The following ITIH5 variants were observed in gnomAD, a reference collection of about 807,000 sequenced individuals.
ITIH5 encodes the protein inter-alpha-trypsin inhibitor heavy chain H5.
A neutral mutation model predicts 77.5 loss-of-function variants in ITIH5; 65 were observed. The ratio of observed to expected loss-of-function variants is 0.84; its 90% CI spans 0.69 to 1.03. The LOEUF is 1.03. Ranked by LOEUF, ITIH5 falls within the 50% of genes least tolerant of loss-of-function variation. The pLI is 0.00. For synonymous variants in ITIH5, 525 were observed against 494.3 expected (o/e 1.06, Z -0.82); for missense variants, 1,208 against 1,213.1 (o/e 1.00, Z 0.06).
chr10:7,626,972 T>C (rs1048952842), intron 5 of ITIH5, among the ~76,000 whole-genome samples: 12 of 152,218 alleles, frequency 7.9e-5, no homozygotes, highest in African/African-American at 2.9e-4. Flanking sequence ...AGCACTGTCA[T>C]AACCAACAAT....
intron 7 of ITIH5, among the ~76,000 whole-genome samples, chr10:7,605,124 T>G (rs1833096816): frequency 6.6e-6 from 1 of 151,896 alleles, no homozygotes; most frequent in Non-Finnish European, 1.5e-5. Flanking sequence ...GCTTTGTCTA[T>G]TCTGTTTCTT....
At chr10:7,641,861 C>T (rs1283225558) in intron 3 of ITIH5, 66 bp downstream of exon 3, 11 of 1,390,448 alleles carry the variant, frequency 7.9e-6, no homozygotes, top group Admixed American at 1.7e-5. Flanking sequence ...CTGTGGACCT[C>T]ACATCTCAGG....
At chr10:7,619,814 C>G (rs1212558078) in intron 5 of ITIH5, 1 of 159,108 alleles carries the variant, frequency 6.3e-6, no homozygotes, top group East Asian at 1.8e-4. Context: ...ATGGGGATTA[C>G]AATTCGAAAT....
rs2275067 is a variant in ITIH5, at chr10:7,572,395, C to T, written c.2032+747G>A. Reference sequence around the variant, plus strand: ...AATCTGTTCTTCCCTTCTGAAGCCACGAACTGAAAAAAATGAAAACAAAAA... The same window carrying T: ...AATCTGTTCTTCCCTTCTGAAGCCATGAACTGAAAAAAATGAAAACAAAAA... On this transcript the variant is annotated intron_variant, in intron 11 of 13. Transcript: ENST00000397146. 41 of 1,364,728 alleles carry T rather than the reference C, an allele frequency of 3.0e-5. No homozygotes were observed. The East Asian group carries it at 6.8e-4, about 23-fold the overall frequency. The allele number at this position is 1,364,728 out of a possible 1,614,324, so 84.5% of individuals were successfully genotyped here.
At chr10:7,610,984 T>C (rs1233201756) in intron 7 of ITIH5, among the ~76,000 whole-genome samples, 2 of 152,272 alleles carry the variant, frequency 1.3e-5, no homozygotes, top group African/African-American at 4.8e-5. Context: ...TCTTGCATCA[T>C]GCGAGGAAAT....
intron 13 of ITIH5, 62 bp downstream of exon 13, chr10:7,565,968 C>G: frequency 6.5e-7 from 1 of 1,549,482 alleles, no homozygotes; most frequent in Non-Finnish European, 8.7e-7. Flanking sequence ...GCAATATCAG[C>G]TTTGCTTGGG....
intron 13 of ITIH5, among the ~76,000 whole-genome samples, chr10:7,563,727 C>T (rs902289317): frequency 1.3e-5 from 2 of 152,230 alleles, no homozygotes; most frequent in African/African-American, 4.8e-5. Context: ...TCTCTCTGTC[C>T]TCTTCCCAGT....
intron 1 of ITIH5, among the ~76,000 whole-genome samples, chr10:7,661,579 T>A (rs1447284084): frequency 6.6e-6 from 1 of 152,244 alleles, no homozygotes; most frequent in Non-Finnish European, 1.5e-5. Context: ...TCCTTGAAAG[T>A]AATGTTGCTG....
chr10:7,590,722 G>A (rs1199195827), intron 7 of ITIH5, among the ~76,000 whole-genome samples: 1 of 152,180 alleles, frequency 6.6e-6, no homozygotes, highest in Non-Finnish European at 1.5e-5. Flanking sequence ...CCACGTCTTT[G>A]TGCCCAAGAC....
intron 2 of ITIH5, among the ~76,000 whole-genome samples, chr10:7,644,360 TATATATCACATATATATCAC>T (rs1564277162): frequency 3.5e-5 from 5 of 144,588 alleles, no homozygotes; most frequent in South Asian, 2.1e-4. Flanking sequence ...ATATATATCA[TATATATCACATATATATCAC>T]ATATATCACA....
At chr10:7,569,507 A>T in intron 12 of ITIH5, 161 bp downstream of exon 12, 1 of 466,312 alleles carries the variant, frequency 2.1e-6, no homozygotes, top group Non-Finnish European at 3.8e-6. Flanking sequence ...AGTCGGATGC[A>T]TAAGTCCAGG....
chr10:7,644,397 A>ATATATAT lies in ITIH5; in HGVS notation c.136-2308_136-2307insATATATA, dbSNP rs1256449861. Among the ~76,000 whole-genome samples, 146 of 145,484 alleles carry ATATATAT rather than the reference A, an allele frequency of 1.0e-3. 1 individual carries two copies. Among genetic ancestry groups the ATATATAT allele is most frequent in the African/African-American group, 3.4e-3 (136 of 39,508 alleles). On this transcript the variant is annotated intron_variant, in intron 2 of 13. Transcript: ENST00000397146. ...ATATATCACATATATCACATATATC[A>ATATATAT]CATATATCACATATATCATATATAT...
rs901928763 is a variant in ITIH5, at chr10:7,598,151, C to T, written c.940-12082G>A. The stretch of plus-strand genomic sequence containing the variant: ...AAAGGAAATCAATGATCGTGCAATG[C>T]CAAGTTCCTTTTGTTGCCCCTCTGC... On this transcript the variant is annotated intron_variant, in intron 7 of 13. Transcript: ENST00000397146. 3.3e-5 allele frequency among the ~76,000 whole-genome samples: 5 copies of T among 152,152 alleles called. 1 individual carries two copies. The highest frequency in any genetic ancestry group is 3.3e-4 in the Admixed American group (5 of 15,264).
chr10:7,586,055 G>T lies in ITIH5; in HGVS notation c.954C>A (p.Leu318=). 4 of 1,613,424 alleles carry T rather than the reference G, an allele frequency of 2.5e-6. No homozygotes were observed. The highest frequency in any genetic ancestry group is 1.1e-5 in the South Asian group (1 of 90,942). ...GTCGGAGGTCATGGAGAATTGTGAA[G>T]AGGGCATCCTTGGTCTAGGCAAACA... ...GTKLRQTKDA[L]FTILHDLRPQ... Residue 318 remains leucine (L), a synonymous_variant, in exon 8 of 14, where the codon CTC becomes CTA. Coordinates refer to ENST00000397146, the MANE Select transcript of ITIH5 (RefSeq NM_030569.7).
At chr10:7,619,525 T>C (rs779141695) in intron 5 of ITIH5, 16 of 280,864 alleles carry the variant, frequency 5.7e-5, no homozygotes, top group African/African-American at 8.8e-5. Flanking sequence ...CACACTGTTA[T>C]CAAGAAGTAC....
intron 7 of ITIH5, among the ~76,000 whole-genome samples, chr10:7,612,596 T>C (rs1480486736): frequency 2.0e-5 from 3 of 151,322 alleles, no homozygotes; most frequent in Non-Finnish European, 2.9e-5. Context: ...TAATCATAAA[T>C]ATCTTCAGCA....
chr10:7,580,538 G>C (rs1355586209), intron 8 of ITIH5, among the ~76,000 whole-genome samples: 1 of 152,248 alleles, frequency 6.6e-6, no homozygotes, highest in African/African-American at 2.4e-5. Context: ...ATGCATATAA[G>C]TGAATGGGGA....
At chr10:7,571,909 A>G in intron 11 of ITIH5, 2 of 919,886 alleles carry the variant, frequency 2.2e-6, no homozygotes, top group Non-Finnish European at 2.6e-6. Context: ...GGGATGCGGG[A>G]CCCATGGAGA....
Position 7,576,980 on chromosome 10 carries a change from G to C in ITIH5, c.1451C>G (p.Ser484Cys), listed in dbSNP as rs1157924951. The C allele has an allele frequency of 1.2e-6, 2 of 1,613,388 alleles. No individual in the cohort carries two copies. The highest frequency in any genetic ancestry group is 1.7e-5 in the Admixed American group (1 of 59,942). Residue 484 changes from serine to cysteine, a missense_variant, in exon 10 of 14, where the codon TCT becomes TGT. Physicochemically the swap from Ser to Cys is moderately radical, Grantham distance 112 (BLOSUM62 -1). Coordinates refer to ENST00000397146, the MANE Select transcript of ITIH5 (RefSeq NM_030569.7). ...GGGGGGATAATCGATGCGGATGTCA[G>C]AGAGGAGCGGGGTCCTGATTTCATC... ...FYDEIRTPLL[S>C]DIRIDYPPSS... is the part of the protein sequence containing the mutation.
Sources: gnomAD v4.1 joint callset for allele counts (sites outside exome capture counted in the v4.1 genomes callset) on GRCh38, gnomAD v4.1.1 for gene constraint, MANE v1.5 for transcripts, NCBI Gene and HGNC (gene_info 2026-07-23, HGNC 2026-07-21) for gene names.